CSMD1: variants seen among roughly 807,000 people sequenced by gnomAD.
CSMD1 encodes CUB and sushi domain-containing protein 1.
In CSMD1, 213 loss-of-function variants were observed where a neutral mutation model predicts 417.5. That is an observed-to-expected ratio of 0.51 (90% CI 0.46 to 0.57). The LOEUF is 0.57. Among genes scored for constraint, CSMD1 ranks in the 20% least tolerant of loss-of-function variants. The probability of loss-of-function intolerance (pLI) is 0.00; values close to 1 mark genes in which losing one functional copy is unlikely to be tolerated. For synonymous variants in CSMD1, 2,862 were observed against 1,736.8 expected (o/e 1.65, Z -16.11); for missense variants, 6,923 against 4,529.7 (o/e 1.53, Z -15.17).
At chr8:3,892,486 G>C (rs1033978638) in intron 5 of CSMD1, among the ~76,000 whole-genome samples, 23 of 152,038 alleles carry the variant, frequency 1.5e-4, no homozygotes, top group Admixed American at 2.6e-4. Flanking sequence ...TTCTGCAAGA[G>C]GATCTAAGAG....
intron 3 of CSMD1, among the ~76,000 whole-genome samples, chr8:4,234,767 G>A (rs557775770): frequency 6.6e-6 from 1 of 152,130 alleles, no homozygotes; most frequent in African/African-American, 2.4e-5. Flanking sequence ...CAGAACAAAA[G>A]ATCTGGGCTA....
chr8:4,087,536 A>C (rs1410240679), intron 3 of CSMD1, among the ~76,000 whole-genome samples: 1 of 152,166 alleles, frequency 6.6e-6, no homozygotes, highest in Non-Finnish European at 1.5e-5. Context: ...AAGCAAGGCG[A>C]GGCTTTCCCT....
At chr8:3,839,360 A>C (rs1279952288) in intron 5 of CSMD1, among the ~76,000 whole-genome samples, 1 of 87,256 alleles carries the variant, frequency 1.1e-5, no homozygotes, top group Non-Finnish European at 2.2e-5. Flanking sequence ...TATAATATTA[A>C]TATATACTCT....
At chr8:4,788,376 G>C (rs1585099231) in intron 1 of CSMD1, 3 of 1,440,934 alleles carry the variant, frequency 2.1e-6, no homozygotes, top group East Asian at 4.6e-5. Context: ...CCTCACACCA[G>C]ACTGGGGAGC....
chr8:4,788,036 C>A (rs1027649263), intron 1 of CSMD1: 2 of 1,591,208 alleles, frequency 1.3e-6, no homozygotes, highest in Non-Finnish European at 1.7e-6. Flanking sequence ...CTGAAGGGCT[C>A]CAAATGGTAA....
chr8:3,836,424 A>G (rs993301411), intron 5 of CSMD1, among the ~76,000 whole-genome samples: 4 of 152,110 alleles, frequency 2.6e-5, no homozygotes, highest in East Asian at 1.9e-4. Context: ...AATTTCTCCA[A>G]TGCAGAAATC....
chr8:4,331,754 T>C (rs1434491889), intron 3 of CSMD1, among the ~76,000 whole-genome samples: 1 of 152,172 alleles, frequency 6.6e-6, no homozygotes, highest in African/African-American at 2.4e-5. Context: ...CCAGCTTCGG[T>C]CCATGTGCCA....
intron 1 of CSMD1, among the ~76,000 whole-genome samples, chr8:4,831,986 C>T (rs1334520193): frequency 6.6e-6 from 1 of 152,168 alleles, no homozygotes; most frequent in Non-Finnish European, 1.5e-5. Flanking sequence ...CTCCAAATTC[C>T]CACTGCACAC....
chr8:4,203,770 A>G (rs1224568339), intron 3 of CSMD1, among the ~76,000 whole-genome samples: 2 of 152,126 alleles, frequency 1.3e-5, no homozygotes, highest in African/African-American at 4.8e-5. Flanking sequence ...TTGCATATAT[A>G]TGTACATATA....
At chr8:3,536,643 A>G (rs1035162405) in intron 10 of CSMD1, among the ~76,000 whole-genome samples, 11 of 152,112 alleles carry the variant, frequency 7.2e-5, no homozygotes, top group African/African-American at 2.2e-4. Context: ...AGCTGTCACT[A>G]CCATCTAGTG....
In CSMD1 at chr8:3,091,679, A is replaced by G. The variant is rs1486345327; in HGVS notation, c.7139-17T>C. ...CAGAAGAACCTAAGTGAAACAGAAA[A>G]ACAAAAACATTCAGAGATGAGTGAG... On this transcript the variant is annotated splice_polypyrimidine_tract_variant and intron_variant, in intron 47 of 69. Coordinates refer to ENST00000635120, the MANE Select transcript of CSMD1 (RefSeq NM_033225.6). 1 of 1,602,758 alleles carries G rather than the reference A, an allele frequency of 6.2e-7. No homozygotes were observed.
chr8:4,845,791 G>C (rs993974539), intron 1 of CSMD1, among the ~76,000 whole-genome samples: 4 of 152,074 alleles, frequency 2.6e-5, no homozygotes, highest in African/African-American at 9.7e-5. Context: ...TCACAAGGGC[G>C]GATTTTACTA....
intron 5 of CSMD1, among the ~76,000 whole-genome samples, chr8:3,987,911 G>C (rs565002825): frequency 9.1e-4 from 138 of 152,262 alleles, no homozygotes; most frequent in African/African-American, 3.1e-3. Flanking sequence ...TGATCTCTGA[G>C]AGTCACACCG....
At chr8:3,616,168 C>A (rs913683531) in intron 8 of CSMD1, among the ~76,000 whole-genome samples, 1 of 152,126 alleles carries the variant, frequency 6.6e-6, no homozygotes, top group Non-Finnish European at 1.5e-5. Context: ...TCTGTCCCCA[C>A]GCAAATCTCA....
intron 46 of CSMD1, among the ~76,000 whole-genome samples, chr8:3,105,280 C>G (rs910463474): frequency 3.3e-5 from 5 of 151,954 alleles, no homozygotes; most frequent in African/African-American, 7.2e-5. Flanking sequence ...TCCTGTCTTC[C>G]TAAATCGTGG....
chr8:4,422,595 C>G (rs531961320), intron 2 of CSMD1, among the ~76,000 whole-genome samples: 2 of 151,938 alleles, frequency 1.3e-5, no homozygotes, highest in South Asian at 4.2e-4. Context: ...TATTCTGGAC[C>G]CTGATCTCAG....
chr8:3,219,232 T>A, intron 29 of CSMD1, 23 bp downstream of exon 29: 2 of 1,563,272 alleles, frequency 1.3e-6, no homozygotes, highest in Non-Finnish European at 1.7e-6. Context: ...TAATTCCCAC[T>A]CAAATTCAGG....
Position 4,912,644 on chromosome 8 carries a change from A to G in CSMD1, c.85+81688T>C, listed in dbSNP as rs552154301. 3.9e-5 allele frequency among the ~76,000 whole-genome samples: 6 copies of G among 152,292 alleles called. No individual in the cohort carries two copies. The South Asian group carries it at 1.0e-3, about 26-fold the overall frequency. On this transcript the variant is annotated intron_variant, in intron 1 of 69. Transcript: ENST00000635120. ...TTGGCTTCCTTTGTAAATACCTGTGACATGTAGGTCAGGAACCAAAGAGTT... is the reference window on the plus strand; with the variant it reads ...TTGGCTTCCTTTGTAAATACCTGTGGCATGTAGGTCAGGAACCAAAGAGTT...
In CSMD1 at chr8:4,709,891, A is replaced by C. The variant is rs1335962878; in HGVS notation, c.86-72333T>G. ...GTCTCAATGAACGTTTAAAGTAAAC[A>C]CATCTGAAATGGCCCAAGGATTGAA... On this transcript the variant is annotated intron_variant, in intron 1 of 69. Transcript: ENST00000635120. 3.3e-5 allele frequency among the ~76,000 whole-genome samples: 5 copies of C among 152,348 alleles called. No homozygotes were observed. The South Asian group carries it at 6.2e-4, about 19-fold the overall frequency.
Sources: gnomAD v4.1 joint callset for allele counts (sites outside exome capture counted in the v4.1 genomes callset) on GRCh38, gnomAD v4.1.1 for gene constraint, MANE v1.5 for transcripts, NCBI Gene and HGNC (gene_info 2026-07-23, HGNC 2026-07-21) for gene names.